ARHGAP31: variants seen among roughly 807,000 people sequenced by gnomAD.
ARHGAP31 encodes rho GTPase-activating protein 31.
ARHGAP31 carries 34 observed loss-of-function variants against 113.9 expected under a neutral mutation model. That is an observed-to-expected ratio of 0.30 (90% CI 0.23 to 0.40). ARHGAP31 has a LOEUF of 0.40. Among genes scored for constraint, ARHGAP31 ranks in the 10% least tolerant of loss-of-function variants. ARHGAP31 has a pLI of 1.00. For missense variants in ARHGAP31, 1,548 were observed against 1,767.1 expected (o/e 0.88, Z 2.22); for synonymous variants, 650 against 684.8 (o/e 0.95, Z 0.79).
intron 6 of ARHGAP31, among the ~76,000 whole-genome samples, chr3:119,390,501 T>C (rs1343286875): frequency 6.6e-6 from 1 of 152,188 alleles, no homozygotes; most frequent in African/African-American, 2.4e-5. Context: ...TAAATGTTTG[T>C]TATAGGAATG....
chr3:119,389,022 A>G (rs9831171), intron 6 of ARHGAP31, among the ~76,000 whole-genome samples: 8,330 of 152,130 alleles, frequency 0.055, 713 homozygotes, highest in African/African-American at 0.19. Flanking sequence ...TTAGCTTGGC[A>G]TGGCGGTGGG....
rs1395822066 is a variant in ARHGAP31, at chr3:119,369,699, G to A, written c.348+1183G>A. Reference sequence around the variant, plus strand: ...AATGCTAATTGAAGAAAAACTAAATGCACAACTGTATATTAAGAAAGGAAT... The same window carrying A: ...AATGCTAATTGAAGAAAAACTAAATACACAACTGTATATTAAGAAAGGAAT... On this transcript the variant is annotated intron_variant, in intron 3 of 11. Coordinates refer to ENST00000264245, the MANE Select transcript of ARHGAP31 (RefSeq NM_020754.4). 2.0e-5 allele frequency among the ~76,000 whole-genome samples: 3 copies of A among 152,244 alleles called. No homozygotes were observed. The East Asian group carries it at 5.8e-4, about 29-fold the overall frequency.
chr3:119,323,564 G>C (rs1466366762), intron 1 of ARHGAP31, among the ~76,000 whole-genome samples: 2 of 152,164 alleles, frequency 1.3e-5, no homozygotes, highest in Admixed American at 6.5e-5. Context: ...AAACGAAGAG[G>C]GAGGATGCAT....
At chr3:119,342,576 C>T (rs2080018718) in intron 1 of ARHGAP31, among the ~76,000 whole-genome samples, 1 of 152,190 alleles carries the variant, frequency 6.6e-6, no homozygotes, top group South Asian at 2.1e-4. Context: ...CCACCAAAAA[C>T]TGTAATAAAT....
chr3:119,319,861 G>A (rs1051916023), intron 1 of ARHGAP31, among the ~76,000 whole-genome samples: 3 of 152,132 alleles, frequency 2.0e-5, no homozygotes, highest in South Asian at 2.1e-4. Flanking sequence ...CCAGTAAAAC[G>A]TGTACAGCTT....
chr3:119,303,052 T>C (rs914243728), intron 1 of ARHGAP31, among the ~76,000 whole-genome samples: 1 of 152,186 alleles, frequency 6.6e-6, no homozygotes, highest in African/African-American at 2.4e-5. Context: ...TAGGGTCAGG[T>C]GTACCCAATT....
In ARHGAP31 at chr3:119,304,851, C is replaced by T. The variant is rs1442772200; in HGVS notation, c.100+9847C>T. ...CACAGGTTTCACTGACCCAAGATGG[C>T]GCTACTGCAATCCAGCCTGAGTGAC... On this transcript the variant is annotated intron_variant, in intron 1 of 11. Coordinates refer to ENST00000264245, the MANE Select transcript of ARHGAP31 (RefSeq NM_020754.4). Among the ~76,000 whole-genome samples the T allele has an allele frequency of 6.6e-5, 10 of 151,712 alleles. No homozygotes were observed. The South Asian group carries it at 8.3e-4, about 13-fold the overall frequency.
intron 1 of ARHGAP31, among the ~76,000 whole-genome samples, chr3:119,332,619 TC>T (rs2079903114): frequency 1.7e-5 from 2 of 115,528 alleles, no homozygotes; most frequent in Admixed American, 2.1e-4. Flanking sequence ...TCTCTCTCTC[TC>T]TCTCTCTCTC....
chr3:119,367,084 C>T (rs1368941617), intron 2 of ARHGAP31, among the ~76,000 whole-genome samples: 1 of 129,272 alleles, frequency 7.7e-6, no homozygotes, highest in Non-Finnish European at 1.6e-5. Context: ...AACAGTGAAA[C>T]TCCATCTAAA....
At chr3:119,340,925 C>T (rs1577002744) in intron 1 of ARHGAP31, among the ~76,000 whole-genome samples, 1 of 152,156 alleles carries the variant, frequency 6.6e-6, no homozygotes, top group East Asian at 1.9e-4. Flanking sequence ...TTAACTATAC[C>T]CGATTTCTTC....
intron 1 of ARHGAP31, among the ~76,000 whole-genome samples, chr3:119,296,036 A>G (rs531661443): frequency 1.3e-5 from 2 of 152,368 alleles, no homozygotes; most frequent in African/African-American, 4.8e-5. Flanking sequence ...GATACAACAA[A>G]GGGGAAAACT....
intron 6 of ARHGAP31, among the ~76,000 whole-genome samples, chr3:119,384,974 G>A (rs1417567535): frequency 2.0e-5 from 3 of 151,374 alleles, no homozygotes; most frequent in East Asian, 1.9e-4. Context: ...GCCCAGGCTG[G>A]AGTGCAGTGG....
At position 119,415,879 on chromosome 3, in the gene ARHGAP31, C is replaced by A. The variant is rs749169593; in HGVS notation, c.3950C>A (p.Ser1317Tyr). ...AAGCGCATGTCAGAGACAGAGCCAT[C>A]TGGGGACAACCTTCTTTCTTCAAAA... ...CRKRMSETEP[S>Y]GDNLLSSKLE... Residue 1317 changes from serine to tyrosine, a missense_variant, in exon 12 of 12, where the codon TCT (serine) becomes TAT (tyrosine). Ser to Tyr is a moderately radical substitution (Grantham distance 144, BLOSUM62 -2). Coordinates refer to ENST00000264245, the MANE Select transcript of ARHGAP31 (RefSeq NM_020754.4). The A allele has an allele frequency of 6.2e-7, 1 of 1,614,240 alleles. No homozygotes were observed. The highest frequency in any genetic ancestry group is 1.1e-5 in the South Asian group (1 of 91,078).
At position 119,376,111 on chromosome 3, in the gene ARHGAP31, T is replaced by C. The variant is rs1445984185; in HGVS notation, c.349-4793T>C. ...TATTTTATTTATTGTTGTGTTTCCC[T>C]GCTTGCTAGCTTCTGGAAAATGTTG... On this transcript the variant is annotated intron_variant, in intron 3 of 11. Coordinates refer to ENST00000264245, the MANE Select transcript of ARHGAP31 (RefSeq NM_020754.4). 2.7e-5 allele frequency among the ~76,000 whole-genome samples: 4 copies of C among 149,042 alleles called. No individual in the cohort carries two copies. The South Asian group carries it at 6.3e-4, about 23-fold the overall frequency.
intron 1 of ARHGAP31, among the ~76,000 whole-genome samples, chr3:119,319,228 T>TAA (rs1217909206): frequency 2.9e-5 from 4 of 139,040 alleles, no homozygotes; most frequent in Non-Finnish European, 1.6e-5. Context: ...CATCATATAT[T>TAA]AAAAAAAAAA....
chr3:119,403,155 C>T lies in ARHGAP31; in HGVS notation c.1645+758C>T, dbSNP rs6768811. 3.3e-3 allele frequency among the ~76,000 whole-genome samples: 503 copies of T among 152,314 alleles called. 3 individuals carry two copies. Among genetic ancestry groups the T allele is most frequent in the African/African-American group, 0.012 (484 of 41,562 alleles). ...AAAGGGTGGCTGACAATCAAACCAACAAATGTTTATTGTGATTTAGGAATG... is the reference window on the plus strand; with the variant it reads ...AAAGGGTGGCTGACAATCAAACCAATAAATGTTTATTGTGATTTAGGAATG... On this transcript the variant is annotated intron_variant, in intron 10 of 11. Coordinates refer to ENST00000264245, the MANE Select transcript of ARHGAP31 (RefSeq NM_020754.4).
chr3:119,379,590 AAATT>A (rs35371632), intron 3 of ARHGAP31, among the ~76,000 whole-genome samples: 39,188 of 151,932 alleles, frequency 0.26, 5,578 homozygotes, highest in Non-Finnish European at 0.35. Flanking sequence ...AATATTTATC[AAATT>A]AATTAAGATA....
chr3:119,302,501 C>T (rs182575055), intron 1 of ARHGAP31, among the ~76,000 whole-genome samples: 205 of 152,310 alleles, frequency 1.3e-3, no homozygotes, highest in African/African-American at 4.7e-3. Flanking sequence ...AAGTCTGAGT[C>T]CCACATCAGG....
chr3:119,399,129 C>G (rs923459674), intron 8 of ARHGAP31, 70 bp from the exon 9 acceptor site: 93 of 1,415,916 alleles, frequency 6.6e-5, no homozygotes, highest in Non-Finnish European at 8.0e-6. Context: ...ACTTAAACAG[C>G]CTGACCTATT....
Sources: allele counts gnomAD v4.1 joint callset (sites outside exome capture counted in the v4.1 genomes callset), GRCh38; gene constraint gnomAD v4.1.1; transcripts MANE v1.5; gene names NCBI Gene and HGNC (gene_info 2026-07-23, HGNC 2026-07-21).